The following ECM2 variants were observed in gnomAD, a reference collection of about 807,000 sequenced individuals.
ECM2 encodes extracellular matrix protein 2, also known as extracellular matrix protein 2, female organ and adipocyte specific.
ECM2 carries 57 observed loss-of-function variants against 67.5 expected under a neutral mutation model. That is an observed-to-expected ratio of 0.84 (90% CI 0.68 to 1.05). ECM2 has a LOEUF of 1.05. Ranked by LOEUF, ECM2 falls within the 50% of genes least tolerant of loss-of-function variation. The pLI is 0.00. For synonymous variants in ECM2, 258 were observed against 294.5 expected (o/e 0.88, Z 1.27); for missense variants, 741 against 822.8 (o/e 0.90, Z 1.22).
intron 5 of ECM2, among the ~76,000 whole-genome samples, chr9:92,511,609 T>G (rs1404399997): frequency 6.6e-6 from 1 of 152,060 alleles, no homozygotes; most frequent in African/African-American, 2.4e-5. Context: ...TTTTGTTGAT[T>G]GCACACACAA....
chr9:92,545,832 CTG>C, the ECM2 span, among the ~76,000 whole-genome samples: 185 of 152,334 alleles, frequency 1.2e-3, 1 homozygote, highest in Non-Finnish European at 2.2e-3. Context: ...AATCAGCACA[CTG>C]TGTCTAGCTC....
intron 8 of ECM2, 99 bp downstream of exon 8, chr9:92,502,414 A>C: frequency 7.0e-7 from 1 of 1,429,612 alleles, no homozygotes; most frequent in African/African-American, 1.4e-5. Context: ...CAGTATCGTC[A>C]CCTCCCTCAC....
the ECM2 span, among the ~76,000 whole-genome samples, chr9:92,546,369 C>T: frequency 6.6e-6 from 1 of 152,160 alleles, no homozygotes; most frequent in Admixed American, 6.5e-5. Context: ...TTCTTTTGCT[C>T]TTTGCAATAA....
At chr9:92,495,186 C>CTA (rs1423893116), downstream of ECM2, 1 of 274,280 alleles carries the variant, frequency 3.6e-6, no homozygotes, top group Admixed American at 6.5e-5. Context: ...TTAGAGAAAC[C>CTA]TATGCAATGA....
the ECM2 span, among the ~76,000 whole-genome samples, chr9:92,551,261 A>G: frequency 6.6e-6 from 1 of 152,178 alleles, no homozygotes; most frequent in East Asian, 1.9e-4. Context: ...GGTGAGAAAT[A>G]TATAGTACTG....
chr9:92,495,205 C>G (rs1289982327), downstream of ECM2: 2 of 400,070 alleles, frequency 5.0e-6, no homozygotes, highest in Non-Finnish European at 6.8e-6. Context: ...GAGGCCAACA[C>G]TGGCACTTAA....
intron 1 of ECM2, among the ~76,000 whole-genome samples, chr9:92,532,345 A>C (rs1848850441): frequency 6.6e-6 from 1 of 151,718 alleles, no homozygotes; most frequent in South Asian, 2.1e-4. Flanking sequence ...TTTTTATCCT[A>C]TTTGGCACTT....
chr9:92,525,886 C>G (rs1341430186), intron 1 of ECM2, among the ~76,000 whole-genome samples: 1 of 120,692 alleles, frequency 8.3e-6, no homozygotes, highest in Non-Finnish European at 1.6e-5. Flanking sequence ...CAGAGAGACT[C>G]TATCTCCAAA....
intron 6 of ECM2, among the ~76,000 whole-genome samples, chr9:92,506,510 G>A (rs751702517): frequency 6.6e-5 from 10 of 152,160 alleles, no homozygotes; most frequent in Non-Finnish European, 1.5e-4. Flanking sequence ...AGAGGCTCAG[G>A]GTGTGGCCAA....
chr9:92,506,592 C>T (rs1008684736), intron 6 of ECM2, among the ~76,000 whole-genome samples: 3 of 152,180 alleles, frequency 2.0e-5, no homozygotes, highest in Non-Finnish European at 2.9e-5. Flanking sequence ...ATGTGGGACT[C>T]CGTTCTGCTC....
At chr9:92,536,216 G>T, upstream of ECM2, 1 of 339,444 alleles carries the variant, frequency 2.9e-6, no homozygotes, top group Non-Finnish European at 5.6e-6. Flanking sequence ...CAGTGGGTGT[G>T]GGGGAAGAGC....
chr9:92,500,160 G>A (rs536758826), intron 9 of ECM2, among the ~76,000 whole-genome samples: 1 of 152,222 alleles, frequency 6.6e-6, no homozygotes, highest in Non-Finnish European at 1.5e-5. Context: ...TCTCTCTAAA[G>A]TTCTAAGTGT....
At chr9:92,523,909 T>A (rs1199587726) in intron 1 of ECM2, among the ~76,000 whole-genome samples, 2 of 152,194 alleles carry the variant, frequency 1.3e-5, no homozygotes, top group Admixed American at 1.3e-4. Flanking sequence ...TATTGTCCCA[T>A]ATTTTTATGG....
At chr9:92,505,123 G>C (rs1225941439) in intron 7 of ECM2, among the ~76,000 whole-genome samples, 1 of 152,188 alleles carries the variant, frequency 6.6e-6, no homozygotes, top group Non-Finnish European at 1.5e-5. Context: ...AGTGTCTGTG[G>C]TTTTGCCTGG....
chr9:92,501,866 C>G (rs189201797), intron 8 of ECM2, among the ~76,000 whole-genome samples: 30 of 152,362 alleles, frequency 2.0e-4, no homozygotes, highest in African/African-American at 7.0e-4. Flanking sequence ...ACTCCCTCCC[C>G]CTTCACTGAA....
intron 1 of ECM2, among the ~76,000 whole-genome samples, chr9:92,531,970 G>T (rs1222723748): frequency 7.7e-6 from 1 of 129,870 alleles, no homozygotes; most frequent in African/African-American, 3.2e-5. Flanking sequence ...GTATTTTATT[G>T]TTGCCTTCTT....
chr9:92,542,137 G>A, the ECM2 span, among the ~76,000 whole-genome samples: 5 of 152,040 alleles, frequency 3.3e-5, no homozygotes, highest in African/African-American at 9.7e-5. Flanking sequence ...TAGATCATCC[G>A]GTAGTTCTAC....
In ECM2 at chr9:92,496,140, G is replaced by C; in HGVS notation, c.*175C>G. 1 of 1,284,246 alleles carries C rather than the reference G, an allele frequency of 7.8e-7. No homozygotes were observed. Among genetic ancestry groups the C allele is most frequent in the Admixed American group, 4.2e-5 (1 of 23,744 alleles). 79.6% of individuals were successfully genotyped at this position (1,284,246 alleles called of 1,614,324 possible). A position where few individuals can be genotyped will look rare whatever the true frequency, so the allele number is the denominator to read the frequency against. ...ACCTTTACTATTAATAAAACTCCTA[G>C]AGACTATACCTTTTAGGTATATTTT... On this transcript the variant is annotated 3_prime_UTR_variant, in exon 10 of 10. Coordinates refer to ENST00000344604, the MANE Select transcript of ECM2 (RefSeq NM_001393.4).
In ECM2 at chr9:92,495,746, G is replaced by A. The variant is rs562627216; in HGVS notation, c.*569C>T. 8 of 932,358 alleles carry A rather than the reference G, an allele frequency of 8.6e-6. No individual in the cohort carries two copies. In the South Asian group the frequency reaches 3.5e-4, roughly 40 times the overall value. 57.8% of individuals were successfully genotyped at this position (932,358 alleles called of 1,614,324 possible). A position where few individuals can be genotyped will look rare whatever the true frequency, so the allele number is the denominator to read the frequency against. ...TCAAAACCAGGAAATTAACATTACA[G>A]TAGTGTTTTAATTTTACACATGTAA... On this transcript the variant is annotated 3_prime_UTR_variant, in exon 10 of 10. Coordinates refer to ENST00000344604, the MANE Select transcript of ECM2 (RefSeq NM_001393.4).
Sources: gnomAD v4.1 joint callset for allele counts (sites outside exome capture counted in the v4.1 genomes callset) on GRCh38, gnomAD v4.1.1 for gene constraint, MANE v1.5 for transcripts, NCBI Gene and HGNC (gene_info 2026-07-23, HGNC 2026-07-21) for gene names.